The following BRWD1 variants were observed in gnomAD, a reference collection of about 807,000 sequenced individuals.
The protein encoded by BRWD1 is bromodomain and WD repeat-containing protein 1.
BRWD1 carries 82 observed loss-of-function variants against 251.2 expected under a neutral mutation model. That is an observed-to-expected ratio of 0.33 (90% confidence interval 0.27 to 0.39). The LOEUF is 0.39. Ranked by LOEUF, BRWD1 falls within the 10% of genes least tolerant of loss-of-function variation. The probability of loss-of-function intolerance (pLI) is 1.00; values close to 1 mark genes in which losing one functional copy is unlikely to be tolerated. For synonymous variants in BRWD1, 918 were observed against 902.8 expected (o/e 1.02, Z -0.30); for missense variants, 2,233 against 2,711.6 (o/e 0.82, Z 3.92).
chr21:39,298,671 A>G, intron 4 of BRWD1, 89 bp from the exon 5 acceptor site: 1 of 1,056,228 alleles, frequency 9.5e-7, no homozygotes, highest in Non-Finnish European at 1.3e-6. Context: ...AATGTGAAAA[A>G]CATACACTGA....
At chr21:39,305,844 C>T (rs1341249153) in intron 4 of BRWD1, among the ~76,000 whole-genome samples, 2 of 135,532 alleles carry the variant, frequency 1.5e-5, no homozygotes, top group Non-Finnish European at 3.1e-5. Flanking sequence ...AGCCTGGCGA[C>T]GGTGCAAGAC....
intron 17 of BRWD1, among the ~76,000 whole-genome samples, chr21:39,260,420 G>A (rs1369874357): frequency 1.3e-5 from 2 of 151,974 alleles, no homozygotes; most frequent in Admixed American, 6.6e-5. Context: ...GATTACAAGC[G>A]TGAGCCACTG....
intron 20 of BRWD1, among the ~76,000 whole-genome samples, chr21:39,250,506 A>G (rs1245958998): frequency 7.4e-6 from 1 of 134,448 alleles, no homozygotes. Context: ...GAGAGCCCTT[A>G]AAAAAAAAAA....
chr21:39,195,525 C>T lies in BRWD1; in HGVS notation c.*734G>A. Reference sequence around the variant, plus strand: ...TTAGTGCACAATTTAAAAGAAAATGCTCTGACTATGCTCTGGTCCTAGAGG... The same window carrying T: ...TTAGTGCACAATTTAAAAGAAAATGTTCTGACTATGCTCTGGTCCTAGAGG... On this transcript the variant is annotated 3_prime_UTR_variant, in exon 41 of 41. Coordinates refer to ENST00000342449, the MANE Select transcript of BRWD1 (RefSeq NM_033656.4). 1 of 984,300 alleles carries T rather than the reference C, an allele frequency of 1.0e-6. No homozygotes were observed. The highest frequency in any genetic ancestry group is 1.2e-6 in the Non-Finnish European group (1 of 828,568). The allele number at this position is 984,300 out of a possible 1,614,324, so 61.0% of individuals were successfully genotyped here.
chr21:39,207,451 A>AACACACACACAC (rs58765400), intron 36 of BRWD1, among the ~76,000 whole-genome samples: 6,759 of 131,184 alleles, frequency 0.052, 303 homozygotes, highest in African/African-American at 0.11. Context: ...AAAAAAAGAA[A>AACACACACACAC]ACACACACAC....
intron 26 of BRWD1, 141 bp from the exon 27 acceptor site, chr21:39,228,723 T>C (rs550883821): frequency 1.8e-6 from 1 of 552,736 alleles, no homozygotes; most frequent in South Asian, 2.9e-5. Context: ...GGTAAAACAG[T>C]AAACTTCATA....
chr21:39,190,491 A>G lies in BRWD1; in HGVS notation c.*5768T>C, dbSNP rs2146438669. 1.0e-6 allele frequency: 1 copy of G among 985,398 alleles called. No individual in the cohort carries two copies. The highest frequency in any genetic ancestry group is 1.2e-6 in the Non-Finnish European group (1 of 829,908). The allele number at this position is 985,398 out of a possible 1,614,324, so 61.0% of individuals were successfully genotyped here. On this transcript the variant is annotated 3_prime_UTR_variant, in exon 41 of 41. Transcript: ENST00000342449. ...TATTGGTTGCTGTGGTTGGTGGATA[A>G]ATCAAATCCACAAAGTGGGTAAACC...
At chr21:39,267,218 T>C (rs1287412020) in intron 15 of BRWD1, among the ~76,000 whole-genome samples, 1 of 146,882 alleles carries the variant, frequency 6.8e-6, no homozygotes, top group Non-Finnish European at 1.5e-5. Flanking sequence ...TCTAAGAACC[T>C]GAGAATCAAA....
intron 25 of BRWD1, 129 bp from the exon 26 acceptor site, chr21:39,229,565 CCATT>C (rs1466189333): frequency 2.5e-6 from 2 of 791,896 alleles, no homozygotes; most frequent in African/African-American, 3.5e-5. Context: ...TTAATTAATA[CCATT>C]AATTACATTC....
At chr21:39,312,730 C>A (rs1430435695) in intron 4 of BRWD1, 111 bp downstream of exon 4, 43 of 694,358 alleles carry the variant, frequency 6.2e-5, no homozygotes, top group Non-Finnish European at 9.1e-5. Context: ...GGCCGCCCCC[C>A]AGTGCGGGTC....
chr21:39,228,990 A>G (rs2033498179), intron 26 of BRWD1, among the ~76,000 whole-genome samples: 1 of 152,222 alleles, frequency 6.6e-6, no homozygotes, highest in Admixed American at 6.5e-5. Flanking sequence ...GCACAGGTGT[A>G]GGAAATTATT....
At chr21:39,297,412 T>C (rs1299832105) in intron 5 of BRWD1, 1 of 985,170 alleles carries the variant, frequency 1.0e-6, no homozygotes, top group African/African-American at 1.7e-5. Context: ...CTGAAGACTC[T>C]TCTAAGGTCT....
Position 39,190,447 on chromosome 21 carries a change from A to G in BRWD1, c.*5812T>C. The G allele has an allele frequency of 3.0e-6, 3 of 985,312 alleles. No homozygotes were observed. The South Asian group carries it at 1.4e-4, about 46-fold the overall frequency. The allele number at this position is 985,312 out of a possible 1,614,324, so 61.0% of individuals were successfully genotyped here. A position where few individuals can be genotyped will look rare whatever the true frequency, so the allele number is the denominator to read the frequency against. ...GAAAACATACTAGCCTCTTTCATAA[A>G]CTCCTAGAATCTTGACATTATTGGT... is the stretch of plus-strand genomic sequence containing the variant. On this transcript the variant is annotated 3_prime_UTR_variant, in exon 41 of 41. Coordinates refer to ENST00000342449, the MANE Select transcript of BRWD1 (RefSeq NM_033656.4).
chr21:39,209,257 C>T (rs1229474842), intron 36 of BRWD1, among the ~76,000 whole-genome samples: 2 of 151,900 alleles, frequency 1.3e-5, no homozygotes, highest in Non-Finnish European at 2.9e-5. Context: ...TAATCACCTG[C>T]TAATCTCAGA....
chr21:39,312,914 A>C lies in BRWD1; in HGVS notation c.139-14T>G. ...CTTCGGCAACAACTGGAAAGACACG[A>C]AACGCACACGAGTGACCACCCCTCC... On this transcript the variant is annotated splice_polypyrimidine_tract_variant and intron_variant, in intron 3 of 40. Coordinates refer to ENST00000342449, the MANE Select transcript of BRWD1 (RefSeq NM_033656.4). 1 of 1,383,066 alleles carries C rather than the reference A, an allele frequency of 7.2e-7. No individual in the cohort carries two copies. Among genetic ancestry groups the C allele is most frequent in the Non-Finnish European group, 9.6e-7 (1 of 1,040,208 alleles). 85.7% of individuals were successfully genotyped at this position (1,383,066 alleles called of 1,614,324 possible). A position where few individuals can be genotyped will look rare whatever the true frequency, so the allele number is the denominator to read the frequency against.
rs2031560526 is a variant in BRWD1, at chr21:39,191,646, T to C, written c.*4613A>G. The C allele has an allele frequency of 7.1e-6, 7 of 984,252 alleles. No individual in the cohort carries two copies. The highest frequency in any genetic ancestry group is 7.2e-6 in the Non-Finnish European group (6 of 828,948). The allele number at this position is 984,252 out of a possible 1,614,324, so 61.0% of individuals were successfully genotyped here. A position where few individuals can be genotyped will look rare whatever the true frequency, so the allele number is the denominator to read the frequency against. ...CATTTAGAAAATTAACTTGAATATATCAAAAATTAAAGATCCCTTTAACTT... is the reference window on the plus strand; with the variant it reads ...CATTTAGAAAATTAACTTGAATATACCAAAAATTAAAGATCCCTTTAACTT... On this transcript the variant is annotated 3_prime_UTR_variant, in exon 41 of 41. Transcript: ENST00000342449.
chr21:39,309,364 G>T (rs1037768912), intron 4 of BRWD1, among the ~76,000 whole-genome samples: 2 of 149,804 alleles, frequency 1.3e-5, no homozygotes, highest in African/African-American at 4.9e-5. Flanking sequence ...GGGCTGAGGT[G>T]GGAAGATTGC....
Position 39,190,771 on chromosome 21 carries a change from T to C in BRWD1, c.*5488A>G. On this transcript the variant is annotated 3_prime_UTR_variant, in exon 41 of 41. Coordinates refer to ENST00000342449, the MANE Select transcript of BRWD1 (RefSeq NM_033656.4). Reference sequence around the variant, plus strand: ...GCTGTGTTTTTAAACAGTTCCGTTTTCTAGGGGGAGCTGGTAACACTGCAG... The same window carrying C: ...GCTGTGTTTTTAAACAGTTCCGTTTCCTAGGGGGAGCTGGTAACACTGCAG... 2.0e-6 allele frequency: 2 copies of C among 985,370 alleles called. No homozygotes were observed. The highest frequency in any genetic ancestry group is 2.4e-6 in the Non-Finnish European group (2 of 829,900). 61.0% of individuals were successfully genotyped at this position (985,370 alleles called of 1,614,324 possible).
rs2031492462 is a variant in BRWD1, at chr21:39,190,427, C to T, written c.*5832G>A. On this transcript the variant is annotated 3_prime_UTR_variant, in exon 41 of 41. Transcript: ENST00000342449. ...AAGAATGTCTGACTCAAAATGAAAACATACTAGCCTCTTTCATAAACTCCT... is the reference window on the plus strand; with the variant it reads ...AAGAATGTCTGACTCAAAATGAAAATATACTAGCCTCTTTCATAAACTCCT... 1.0e-6 allele frequency: 1 copy of T among 985,182 alleles called. No individual in the cohort carries two copies. Among genetic ancestry groups the T allele is most frequent in the African/African-American group, 1.7e-5 (1 of 57,208 alleles). The allele number at this position is 985,182 out of a possible 1,614,324, so 61.0% of individuals were successfully genotyped here. A position where few individuals can be genotyped will look rare whatever the true frequency, so the allele number is the denominator to read the frequency against.
Sources: gnomAD v4.1 joint callset for allele counts (sites outside exome capture counted in the v4.1 genomes callset) on GRCh38, gnomAD v4.1.1 for gene constraint, MANE v1.5 for transcripts, NCBI Gene and HGNC (gene_info 2026-07-23, HGNC 2026-07-21) for gene names.